Variants in NCOR1 observed in about 807,000 individuals in gnomAD.
NCOR1 encodes the protein nuclear receptor corepressor 1.
Under a neutral mutation model 288.1 loss-of-function variants are expected in NCOR1, and 63 were observed. The ratio of observed to expected loss-of-function variants is 0.22; its 90% CI spans 0.18 to 0.27. NCOR1 has a LOEUF of 0.27. Among genes scored for constraint, NCOR1 ranks in the 10% least tolerant of loss-of-function variants. NCOR1 has a pLI of 1.00. For synonymous variants in NCOR1, 1,007 were observed against 1,065.9 expected, an observed-to-expected ratio of 0.94 and a Z score of 1.08; for missense variants, 2,397 against 3,019.2, an observed-to-expected ratio of 0.79 and a Z score of 4.83.
At chr17:16,152,761 C>T (rs911352165) in intron 7 of NCOR1, among the ~76,000 whole-genome samples, 1 of 152,110 alleles carries the variant, frequency 6.6e-6, no homozygotes, top group African/African-American at 2.4e-5. Flanking sequence ...CTAGTTTACA[C>T]TCCCACCAAC....
At chr17:16,169,577 T>C (rs1312358291) in intron 4 of NCOR1, among the ~76,000 whole-genome samples, 14 of 152,128 alleles carry the variant, frequency 9.2e-5, no homozygotes. Context: ...TGGTTTACAC[T>C]TTAGGGGAAA....
At position 16,133,908 on chromosome 17, in the gene NCOR1, C is replaced by T. The variant is rs772563762; in HGVS notation, c.1509+3403G>A. ...TCTCGTGGTTTTACCTTCAAAAGTA[C>T]ATCCAGAAACTAATCCGTTCTCCCC... On this transcript the variant is annotated intron_variant, in intron 14 of 45. Coordinates refer to ENST00000268712, the MANE Select transcript of NCOR1 (RefSeq NM_006311.4). Among the ~76,000 whole-genome samples the T allele has an allele frequency of 2.0e-4, 30 of 152,312 alleles. 1 individual carries two copies. Among genetic ancestry groups the T allele is most frequent in the Middle Eastern group, 3.4e-3 (1 of 294 alleles).
chr17:16,169,572 T>C (rs2082718776), intron 4 of NCOR1, among the ~76,000 whole-genome samples: 1 of 152,164 alleles, frequency 6.6e-6, no homozygotes, highest in Admixed American at 6.5e-5. Flanking sequence ...AGTCATGGTT[T>C]ACACTTTAGG....
intron 5 of NCOR1, among the ~76,000 whole-genome samples, chr17:16,163,788 A>AT (rs1491323828): frequency 1.1e-4 from 16 of 152,236 alleles, no homozygotes; most frequent in Non-Finnish European, 1.8e-4. Flanking sequence ...TAAACAAAAC[A>AT]TAGTAAACTC....
intron 6 of NCOR1, among the ~76,000 whole-genome samples, chr17:16,156,209 G>A (rs2153407466): frequency 6.6e-6 from 1 of 152,282 alleles, no homozygotes; most frequent in Non-Finnish European, 1.5e-5. Context: ...GCCAAGATGG[G>A]TAGATGACTT....
At chr17:16,083,490 G>C (rs1484804133) in intron 23 of NCOR1, among the ~76,000 whole-genome samples, 1 of 151,746 alleles carries the variant, frequency 6.6e-6, no homozygotes, top group Non-Finnish European at 1.5e-5. Flanking sequence ...TCATAGATTA[G>C]AAGATTCGAT....
At chr17:16,105,568 A>G (rs2068452255) in intron 19 of NCOR1, among the ~76,000 whole-genome samples, 1 of 152,232 alleles carries the variant, frequency 6.6e-6, no homozygotes, top group South Asian at 2.1e-4. Context: ...TGATATAGTG[A>G]AAGACCAGAG....
intron 22 of NCOR1, 124 bp from the exon 23 acceptor site, chr17:16,086,566 T>C (rs2064262706): frequency 1.2e-6 from 1 of 831,230 alleles, no homozygotes; most frequent in Admixed American, 2.9e-5. Flanking sequence ...AAACCAACAA[T>C]GAACATTTCT....
intron 32 of NCOR1, among the ~76,000 whole-genome samples, chr17:16,067,387 G>A (rs1388775543): frequency 6.6e-6 from 1 of 152,050 alleles, no homozygotes; most frequent in Non-Finnish European, 1.5e-5. Context: ...CAACTTCAAA[G>A]GCTGGAAAAA....
chr17:16,165,767 T>C (rs912479723), intron 4 of NCOR1, among the ~76,000 whole-genome samples: 1 of 152,112 alleles, frequency 6.6e-6, no homozygotes, highest in Non-Finnish European at 1.5e-5. Flanking sequence ...CCATTGTGCC[T>C]CCAAATCAGC....
At chr17:16,145,369 G>A (rs1172863976) in intron 10 of NCOR1, among the ~76,000 whole-genome samples, 2 of 150,956 alleles carry the variant, frequency 1.3e-5, no homozygotes, top group Non-Finnish European at 2.9e-5. Context: ...CATCGTCTGG[G>A]ATGTGGGGAG....
chr17:16,156,991 T>TAA (rs879653945), intron 6 of NCOR1, among the ~76,000 whole-genome samples: 2 of 146,304 alleles, frequency 1.4e-5, no homozygotes, highest in Non-Finnish European at 3.0e-5. Context: ...TTATAAAACT[T>TAA]AAAAAAAAAA....
chr17:16,105,825 C>T (rs558029405), intron 19 of NCOR1, among the ~76,000 whole-genome samples: 2 of 152,226 alleles, frequency 1.3e-5, no homozygotes, highest in African/African-American at 4.8e-5. Context: ...CATGGCCAGG[C>T]GCGGTGGCTC....
chr17:16,170,637 C>T (rs2082963390), intron 4 of NCOR1, among the ~76,000 whole-genome samples: 1 of 151,864 alleles, frequency 6.6e-6, no homozygotes, highest in South Asian at 2.1e-4. Flanking sequence ...GTTCAAGAGA[C>T]CAGCCTGGCC....
chr17:16,067,198 T>C (rs1416561740), intron 32 of NCOR1, among the ~76,000 whole-genome samples: 2 of 152,276 alleles, frequency 1.3e-5, no homozygotes, highest in South Asian at 4.1e-4. Context: ...TCTGCACCTA[T>C]CAGATTCTGT....
chr17:16,168,978 AC>A (rs1032118685), intron 4 of NCOR1, among the ~76,000 whole-genome samples: 5 of 152,082 alleles, frequency 3.3e-5, no homozygotes, highest in South Asian at 2.1e-4. Flanking sequence ...AAAAAAAAAA[AC>A]AATGCATGTC....
chr17:16,163,069 A>G (rs189918621), intron 5 of NCOR1, among the ~76,000 whole-genome samples: 21 of 152,282 alleles, frequency 1.4e-4, no homozygotes, highest in African/African-American at 4.6e-4. Context: ...AAAACTATAA[A>G]ATGTGTAGAA....
At chr17:16,092,614 C>T (rs1229083935) in intron 21 of NCOR1, among the ~76,000 whole-genome samples, 2 of 133,622 alleles carry the variant, frequency 1.5e-5, no homozygotes, top group African/African-American at 5.6e-5. Flanking sequence ...AGGTCCCATC[C>T]CTCATCTCTC....
At chr17:16,043,869 CAA>C (rs2058180820) in intron 42 of NCOR1, among the ~76,000 whole-genome samples, 1 of 152,062 alleles carries the variant, frequency 6.6e-6, no homozygotes, top group Non-Finnish European at 1.5e-5. Context: ...ATAGTAATAA[CAA>C]TATTTTTTGA....
Sources: allele counts gnomAD v4.1 joint callset (sites outside exome capture counted in the v4.1 genomes callset), GRCh38; gene constraint gnomAD v4.1.1; transcripts MANE v1.5; gene names NCBI Gene and HGNC (gene_info 2026-07-23, HGNC 2026-07-21).